The following TTLL5 variants were observed in gnomAD, a reference collection of about 807,000 sequenced individuals.
TTLL5 encodes the protein tubulin polyglutamylase TTLL5.
A neutral mutation model predicts 168.4 loss-of-function variants in TTLL5; 132 were observed. The ratio of observed to expected loss-of-function variants is 0.78; its 90% confidence interval spans 0.68 to 0.91. The LOEUF (loss-of-function observed/expected upper bound fraction) is 0.91, where lower values mean the gene tolerates loss of function less well. Ranked by LOEUF, TTLL5 falls within the 40% of genes least tolerant of loss-of-function variation. TTLL5 has a pLI of 0.00. For synonymous variants in TTLL5, 546 were observed against 558.6 expected, an observed-to-expected ratio of 0.98 and a Z score of 0.32; for missense variants, 1,545 against 1,581.5, an observed-to-expected ratio of 0.98 and a Z score of 0.39.
chr14:75,947,939 C>CA (rs11410342), intron 31 of TTLL5, among the ~76,000 whole-genome samples: 106,504 of 143,166 alleles, frequency 0.74, 39,296 homozygotes, highest in African/African-American at 0.76. Flanking sequence ...GACCCTGTCT[C>CA]AAAAAAAAAA....
In TTLL5 at chr14:75,837,900, CACT is replaced by C. The variant is rs966237647; in HGVS notation, c.3326+17742_3326+17744del. On this transcript the variant is annotated intron_variant, in intron 28 of 31. Coordinates refer to ENST00000298832, the MANE Select transcript of TTLL5 (RefSeq NM_015072.5). Reference sequence around the variant, plus strand: ...ATATGTATACACACCCATACACACACACTACATTTTGTTTACTCATTCATCTTG... The same window carrying C: ...ATATGTATACACACCCATACACACACACATTTTGTTTACTCATTCATCTTG... Among the ~76,000 whole-genome samples, 30 of 151,930 alleles carry C rather than the reference CACT, an allele frequency of 2.0e-4. 1 individual carries two copies. Among genetic ancestry groups the C allele is most frequent in the Admixed American group, 1.6e-3 (24 of 15,248 alleles).
intron 26 of TTLL5, among the ~76,000 whole-genome samples, chr14:75,788,107 G>A (rs1270234072): frequency 6.6e-6 from 1 of 152,198 alleles, no homozygotes; most frequent in South Asian, 2.1e-4. Flanking sequence ...GCAACATAGC[G>A]AGATCCCATC....
intron 17 of TTLL5, among the ~76,000 whole-genome samples, chr14:75,746,179 G>T (rs1325026391): frequency 6.6e-6 from 1 of 152,034 alleles, no homozygotes; most frequent in Non-Finnish European, 1.5e-5. Flanking sequence ...GTACTCTTTT[G>T]TATCTGGACT....
chr14:75,887,170 C>A, intron 30 of TTLL5: 1 of 1,017,798 alleles, frequency 9.8e-7, no homozygotes, highest in Non-Finnish European at 1.2e-6. Flanking sequence ...GGAAAGCCAT[C>A]AGGACTGGGT....
chr14:75,677,620 C>G (rs1323572981), intron 3 of TTLL5, among the ~76,000 whole-genome samples: 1 of 151,052 alleles, frequency 6.6e-6, no homozygotes, highest in African/African-American at 2.4e-5. Context: ...TGGTTTCTCT[C>G]TCTCTCTTTT....
At chr14:75,858,840 T>C (rs10145434) in intron 28 of TTLL5, among the ~76,000 whole-genome samples, 3,937 of 152,320 alleles carry the variant, frequency 0.026, 182 homozygotes, top group African/African-American at 0.087. Context: ...CATGGCCTTA[T>C]AGTGTTTCTC....
chr14:75,869,821 A>AGTTTTTTTTTTTTTTT (rs2030862735), intron 29 of TTLL5, among the ~76,000 whole-genome samples: 2 of 82,414 alleles, frequency 2.4e-5, no homozygotes, highest in Admixed American at 1.9e-4. Flanking sequence ...TTCAACAAGT[A>AGTTTTTTTTTTTTTTT]TTTTTTTTTT....
intron 6 of TTLL5, among the ~76,000 whole-genome samples, chr14:75,690,864 C>T (rs1699467319): frequency 6.6e-6 from 1 of 152,166 alleles, no homozygotes; most frequent in Non-Finnish European, 1.5e-5. Flanking sequence ...AAAGGATCCT[C>T]CACTCTTGGC....
At chr14:75,666,649 G>A (rs1178326945) in intron 2 of TTLL5, among the ~76,000 whole-genome samples, 3 of 152,170 alleles carry the variant, frequency 2.0e-5, no homozygotes, top group Non-Finnish European at 2.9e-5. Context: ...GAGACTTTAG[G>A]TAGGCCTTGG....
intron 4 of TTLL5, among the ~76,000 whole-genome samples, chr14:75,681,950 A>C (rs1884649980): frequency 6.6e-6 from 1 of 152,040 alleles, no homozygotes; most frequent in South Asian, 2.1e-4. Context: ...GACTTTGCTT[A>C]ACTTGAAATG....
At position 75,876,075 on chromosome 14, in the gene TTLL5, G is replaced by A. The variant is rs563736045; in HGVS notation, c.3523-6610G>A. ...TCTGAGTCTGAATTTGCATCAGAAC[G>A]TCAACCAGTGTCTGATTGGTTTTGT... On this transcript the variant is annotated intron_variant, in intron 29 of 31. Coordinates refer to ENST00000298832, the MANE Select transcript of TTLL5 (RefSeq NM_015072.5). Among the ~76,000 whole-genome samples, 15 of 152,344 alleles carry A rather than the reference G, an allele frequency of 9.8e-5. No individual in the cohort carries two copies. In the South Asian group the frequency reaches 2.5e-3, roughly 25 times the overall value.
rs958641057 is a variant in TTLL5 at position 75,709,363 on chromosome 14, C to T, written c.740+1656C>T. 31 of 592,644 alleles carry T rather than the reference C, an allele frequency of 5.2e-5. No individual in the cohort carries two copies. In the Middle Eastern group the frequency reaches 1.3e-3, roughly 25 times the overall value. The allele number at this position is 592,644 out of a possible 1,614,324, so 36.7% of individuals were successfully genotyped here. On this transcript the variant is annotated intron_variant, in intron 9 of 31. Coordinates refer to ENST00000298832, the MANE Select transcript of TTLL5 (RefSeq NM_015072.5). ...TTGAAATCAGTGAGAGCAGACTAACCAAACCTCGCTGGTGGAGCTCTGTGT... is the reference window on the plus strand; with the variant it reads ...TTGAAATCAGTGAGAGCAGACTAACTAAACCTCGCTGGTGGAGCTCTGTGT...
At chr14:75,813,062 G>A (rs1012557042) in intron 27 of TTLL5, among the ~76,000 whole-genome samples, 1 of 152,132 alleles carries the variant, frequency 6.6e-6, no homozygotes, top group Middle Eastern at 3.2e-3. Flanking sequence ...GAATCCAGGG[G>A]CTGACACATA....
chr14:75,858,225 G>A (rs780294404), intron 28 of TTLL5, among the ~76,000 whole-genome samples: 7 of 152,114 alleles, frequency 4.6e-5, no homozygotes, highest in African/African-American at 1.2e-4. Flanking sequence ...CATTTGCACC[G>A]ATGGTACAAA....
intron 29 of TTLL5, 51 bp downstream of exon 29, chr14:75,863,913 A>T (rs745720830): frequency 5.5e-6 from 6 of 1,090,750 alleles, no homozygotes; most frequent in African/African-American, 3.6e-5. Context: ...GCTGTTGGTA[A>T]AAAAAAAAAA....
At chr14:75,720,784 A>C (rs1275374663) in intron 12 of TTLL5, 81 bp downstream of exon 12, 2 of 1,139,088 alleles carry the variant, frequency 1.8e-6, no homozygotes, top group African/African-American at 1.5e-5. Context: ...AGAGAGGCTT[A>C]GTGATTCTAT....
At chr14:75,886,091 A>G (rs566525178) in intron 30 of TTLL5, among the ~76,000 whole-genome samples, 2 of 152,330 alleles carry the variant, frequency 1.3e-5, no homozygotes, top group Admixed American at 1.3e-4. Context: ...GACACAACTA[A>G]TGAGAAGTTG....
chr14:75,816,701 TGTTA>T (rs1480973157), intron 27 of TTLL5, among the ~76,000 whole-genome samples: 1 of 152,210 alleles, frequency 6.6e-6, no homozygotes, highest in Non-Finnish European at 1.5e-5. Context: ...TTGGAGAAGC[TGTTA>T]GTTATCATAA....
chr14:75,926,299 T>G (rs1406636788), intron 31 of TTLL5, among the ~76,000 whole-genome samples: 4 of 151,840 alleles, frequency 2.6e-5, no homozygotes, highest in Non-Finnish European at 4.4e-5. Flanking sequence ...TGACTCTTTA[T>G]CCAATTTGCC....
Sources: allele counts gnomAD v4.1 joint callset (sites outside exome capture counted in the v4.1 genomes callset), GRCh38; gene constraint gnomAD v4.1.1; transcripts MANE v1.5; gene names NCBI Gene and HGNC (gene_info 2026-07-23, HGNC 2026-07-21).